Variants in OR5A1 observed in about 807,000 individuals in gnomAD.
OR5A1 encodes the protein olfactory receptor 5A1.
A neutral mutation model predicts 6.7 loss-of-function variants in OR5A1; 6 were observed. The observed-to-expected ratio is 0.89, with a 90% CI of 0.49 to 1.76. The LOEUF (loss-of-function observed/expected upper bound fraction) is 1.76. Ranked by LOEUF, OR5A1 falls within the 40% of genes most tolerant of loss-of-function variation. The pLI is 0.01. For missense variants in OR5A1, 378 were observed against 381.7 expected (o/e 0.99, Z 0.08); for synonymous variants, 170 against 155.0 (o/e 1.10, Z -0.72).
rs927172065 is a variant in OR5A1 at position 59,448,075 on chromosome 11, T to C, written c.*3959T>C. On this transcript the variant is annotated 3_prime_UTR_variant, in exon 2 of 2. Coordinates refer to ENST00000641045, the MANE Select transcript of OR5A1 (RefSeq NM_001004728.2). ...TTTAAAAAAATCACAAAAAAACTCT[T>C]AATGTGTTAAGGAAGTTTACAAATT... 1 of 152,122 alleles carries C rather than the reference T, an allele frequency of 6.6e-6. No individual in the cohort carries two copies. The highest frequency in any genetic ancestry group is 1.5e-5 in the Non-Finnish European group (1 of 68,008). 9.4% of individuals were successfully genotyped at this position (152,122 alleles called of 1,614,324 possible).
In OR5A1 at chr11:59,443,340, C is replaced by A. The variant is rs777855658; in HGVS notation, c.172C>A (p.Leu58Met). Reference sequence around the variant, plus strand: ...TTTTCTGATCAGAGGTGACACCCATCTGCACACACCCATGTACTTCTTCCT... The same window carrying A: ...TTTTCTGATCAGAGGTGACACCCATATGCACACACCCATGTACTTCTTCCT... ...LIFLIRGDTHLHTPMYFFLSN... is the reference protein window; with the variant it reads ...LIFLIRGDTHMHTPMYFFLSN... Residue 58 changes from leucine to methionine, a missense_variant, in exon 2 of 2, where the codon CTG (leucine) becomes ATG (methionine). By Grantham distance (15) the Leu-to-Met change is conservative. Transcript: ENST00000641045. 2 of 1,613,906 alleles carry A rather than the reference C, an allele frequency of 1.2e-6. No individual in the cohort carries two copies. The highest frequency in any genetic ancestry group is 2.2e-5 in the South Asian group (2 of 91,082).
chr11:59,441,378 T>C (rs1858479152), intron 1 of OR5A1, among the ~76,000 whole-genome samples: 1 of 152,244 alleles, frequency 6.6e-6, no homozygotes, highest in Admixed American at 6.5e-5. Flanking sequence ...CATGATTTTT[T>C]GTTTCAATAG....
At position 59,443,553 on chromosome 11, in the gene OR5A1, A is replaced by G; in HGVS notation, c.385A>G (p.Ile129Val). 3 of 1,613,912 alleles carry G rather than the reference A, an allele frequency of 1.9e-6. No individual in the cohort carries two copies. The highest frequency in any genetic ancestry group is 2.5e-6 in the Non-Finnish European group (3 of 1,179,990). Residue 129 changes from isoleucine (I) to valine (V), a missense_variant, in exon 2 of 2, where the codon ATC becomes GTC. Ile to Val is a conservative substitution (Grantham distance 29, BLOSUM62 3). Transcript: ENST00000641045. ...TAMAYDRYAA[I>V]SSPLLYPTIM... is the part of the protein sequence containing the mutation. ...TATGGCATACGACCGATATGCAGCC[A>G]TCTCCAGCCCCCTTCTCTACCCCAC...
At position 59,450,483 on chromosome 11, in the gene OR5A1, T is replaced by C. The variant is rs893375225; in HGVS notation, c.*6367T>C. Reference sequence around the variant, plus strand: ...ATAATAAGTCAGCTTCTTAGAACAATTTTAAAAACAAAAAACAGAAAAATA... The same window carrying C: ...ATAATAAGTCAGCTTCTTAGAACAACTTTAAAAACAAAAAACAGAAAAATA... On this transcript the variant is annotated 3_prime_UTR_variant, in exon 2 of 2. Transcript: ENST00000641045. 1 of 152,110 alleles carries C rather than the reference T, an allele frequency of 6.6e-6. No homozygotes were observed. The highest frequency in any genetic ancestry group is 1.5e-5 in the Non-Finnish European group (1 of 68,012). The allele number at this position is 152,110 out of a possible 1,614,324, so 9.4% of individuals were successfully genotyped here. A position where few individuals can be genotyped will look rare whatever the true frequency, so the allele number is the denominator to read the frequency against.
chr11:59,441,973 TAGATA>T (rs1285883019), intron 1 of OR5A1, among the ~76,000 whole-genome samples: 4 of 151,364 alleles, frequency 2.6e-5, no homozygotes, highest in Admixed American at 1.3e-4. Context: ...GATAGATAGA[TAGATA>T]GATAGATAGA....
At position 59,443,913 on chromosome 11, in the gene OR5A1, A is replaced by G. The variant is rs779665580; in HGVS notation, c.745A>G (p.Met249Val). Residue 249 changes from methionine (M) to valine (V), a missense_variant, in exon 2 of 2, where the codon ATG becomes GTG. By Grantham distance (21) the Met-to-Val change is conservative. Transcript: ENST00000641045. ...KACNTCASHLMVVTLLFGTAL... is the reference protein window; with the variant it reads ...KACNTCASHLVVVTLLFGTAL... ...CTGCAACACGTGTGCCTCGCATCTG[A>G]TGGTGGTGACTCTGCTGTTTGGGAC... The G allele has an allele frequency of 2.5e-6, 4 of 1,614,022 alleles. No homozygotes were observed. The highest frequency in any genetic ancestry group is 3.4e-6 in the Non-Finnish European group (4 of 1,180,012).
chr11:59,450,348 C>G lies in OR5A1; in HGVS notation c.*6232C>G, dbSNP rs1401450547. ...AGATTTGACCTCAGTTCCCAGAGACCTGAGTTGGCTGATTCCAGGTTCTCC... is the reference window on the plus strand; with the variant it reads ...AGATTTGACCTCAGTTCCCAGAGACGTGAGTTGGCTGATTCCAGGTTCTCC... On this transcript the variant is annotated 3_prime_UTR_variant, in exon 2 of 2. Transcript: ENST00000641045. 2.0e-5 allele frequency: 3 copies of G among 152,148 alleles called. No individual in the cohort carries two copies. The highest frequency in any genetic ancestry group is 7.2e-5 in the African/African-American group (3 of 41,428). The allele number at this position is 152,148 out of a possible 1,614,324, so 9.4% of individuals were successfully genotyped here.
intron 1 of OR5A1, among the ~76,000 whole-genome samples, chr11:59,440,613 C>T (rs1273775778): frequency 6.6e-6 from 1 of 152,208 alleles, no homozygotes; most frequent in Non-Finnish European, 1.5e-5. Context: ...TGCCAAATGG[C>T]TGTACCTCTA....
rs771050906 is a variant in OR5A1 at position 59,443,877 on chromosome 11, C to T, written c.709C>T (p.Arg237Ter). The T allele has an allele frequency of 9.9e-6, 16 of 1,614,008 alleles. No homozygotes were observed. The highest frequency in any genetic ancestry group is 1.4e-5 in the Non-Finnish European group (16 of 1,179,974). The change falls in exon 2 of 2, where the codon CGA (arginine) becomes TGA (stop). Residue 237 changes from arginine to a stop codon, truncating the protein, a stop_gained. Transcript: ENST00000641045. LOFTEE classifies it high-confidence loss of function. Reference protein sequence around the residue: ...AVLKIPSAEGRWKACNTCASH... With the variant: ...AVLKIPSAEG ...CCTGAAGATCCCTTCAGCAGAGGGC[C>T]GATGGAAAGCCTGCAACACGTGTGC... is the stretch of plus-strand genomic sequence containing the variant.
At chr11:59,437,238 G>C (rs528233912) in intron 1 of OR5A1, among the ~76,000 whole-genome samples, 1 of 152,226 alleles carries the variant, frequency 6.6e-6, no homozygotes, top group South Asian at 2.1e-4. Context: ...TGTATTCCGT[G>C]GGTTTGGGCA....
chr11:59,446,633 C>T lies in OR5A1; in HGVS notation c.*2517C>T, dbSNP rs1858552849. 6.6e-6 allele frequency: 1 copy of T among 152,124 alleles called. No homozygotes were observed. Among genetic ancestry groups the T allele is most frequent in the South Asian group, 2.1e-4 (1 of 4,826 alleles). The allele number at this position is 152,124 out of a possible 1,614,324, so 9.4% of individuals were successfully genotyped here. On this transcript the variant is annotated 3_prime_UTR_variant, in exon 2 of 2. Coordinates refer to ENST00000641045, the MANE Select transcript of OR5A1 (RefSeq NM_001004728.2). ...GTTTCTCCTCTTGAATAAATTAAACCTTGCAGCCCACATTGGGTGTAATTT... is the reference window on the plus strand; with the variant it reads ...GTTTCTCCTCTTGAATAAATTAAACTTTGCAGCCCACATTGGGTGTAATTT...
At position 59,447,021 on chromosome 11, in the gene OR5A1, CAGAG is replaced by C. The variant is rs200286677; in HGVS notation, c.*2914_*2917del. 2 of 152,064 alleles carry C rather than the reference CAGAG, an allele frequency of 1.3e-5. No homozygotes were observed. The highest frequency in any genetic ancestry group is 2.9e-5 in the Non-Finnish European group (2 of 67,998). 9.4% of individuals were successfully genotyped at this position (152,064 alleles called of 1,614,324 possible). ...CCTACAAATCGTATATACAGGTACT[CAGAG>C]AGAGAGAGTTGAAATTTGCTGAGTG... On this transcript the variant is annotated 3_prime_UTR_variant, in exon 2 of 2. Transcript: ENST00000641045.
Position 59,445,838 on chromosome 11 carries a change from GC to G in OR5A1, c.*1725del, listed in dbSNP as rs1858542197. 1 of 152,012 alleles carries G rather than the reference GC, an allele frequency of 6.6e-6. No homozygotes were observed. Among genetic ancestry groups the G allele is most frequent in the Non-Finnish European group, 1.5e-5 (1 of 67,978 alleles). The allele number at this position is 152,012 out of a possible 1,614,324, so 9.4% of individuals were successfully genotyped here. On this transcript the variant is annotated 3_prime_UTR_variant, in exon 2 of 2. Coordinates refer to ENST00000641045, the MANE Select transcript of OR5A1 (RefSeq NM_001004728.2). The stretch of plus-strand genomic sequence containing the variant: ...TGAGAAGTGTCTGTTCATGTCATTT[GC>G]CCACTTTTAGATAGGGTTGTTTGTT...
At position 59,443,944 on chromosome 11, in the gene OR5A1, T is replaced by G; in HGVS notation, c.776T>G (p.Leu259Arg). ...GTGACTCTGCTGTTTGGGACAGCCC[T>G]TTTCGTGTACTTGCGACCCAGCTCC... is the stretch of plus-strand genomic sequence containing the variant. ...MVVTLLFGTALFVYLRPSSSY... is the reference protein window; with the variant it reads ...MVVTLLFGTARFVYLRPSSSY... The change falls in exon 2 of 2, where the codon CTT (leucine) becomes CGT (arginine). Residue 259 changes from leucine (L) to arginine (R), a missense_variant. Physicochemically the swap from Leu to Arg is moderately radical, Grantham distance 102. Transcript: ENST00000641045. The G allele has an allele frequency of 6.2e-7, 1 of 1,614,092 alleles. No homozygotes were observed. Among genetic ancestry groups the G allele is most frequent in the Admixed American group, 1.7e-5 (1 of 60,008 alleles).
rs186028977 is a variant in OR5A1 at position 59,451,354 on chromosome 11, A to G, written c.*7238A>G. ...GCCTCCTAATATATTTATCTGATCA[A>G]TAGTTGATTGACTGTCTTTTCACAT... On this transcript the variant is annotated 3_prime_UTR_variant, in exon 2 of 2. Transcript: ENST00000641045. The G allele has an allele frequency of 3.3e-5, 5 of 152,200 alleles. No homozygotes were observed. In the East Asian group the frequency reaches 7.7e-4, roughly 24 times the overall value. The allele number at this position is 152,200 out of a possible 1,614,324, so 9.4% of individuals were successfully genotyped here.
At chr11:59,442,903 G>A (rs909571707) in intron 1 of OR5A1, among the ~76,000 whole-genome samples, 2 of 152,170 alleles carry the variant, frequency 1.3e-5, no homozygotes, top group Admixed American at 6.5e-5. Context: ...GTTGATCCCA[G>A]GGATTTTGGG....
rs371898839 is a variant in OR5A1, at chr11:59,444,124, G to C, written c.*8G>C. 1.8e-5 allele frequency: 28 copies of C among 1,576,090 alleles called. No individual in the cohort carries two copies. Among genetic ancestry groups the C allele is most frequent in the Non-Finnish European group, 2.3e-5 (26 of 1,148,782 alleles). On this transcript the variant is annotated 3_prime_UTR_variant, in exon 2 of 2. Coordinates refer to ENST00000641045, the MANE Select transcript of OR5A1 (RefSeq NM_001004728.2). Reference sequence around the variant, plus strand: ...AAGAAAGTGTTTTCTTAGGTCATGCGTAGAAACTTATTTATCCAAACTGCT... The same window carrying C: ...AAGAAAGTGTTTTCTTAGGTCATGCCTAGAAACTTATTTATCCAAACTGCT...
At position 59,448,687 on chromosome 11, in the gene OR5A1, G is replaced by A. The variant is rs1251109884; in HGVS notation, c.*4571G>A. Reference sequence around the variant, plus strand: ...CCCTTTGGTGTGAATCATCACAGTTGTAAGTTCATGCTTGAGGGTGGGGTC... The same window carrying A: ...CCCTTTGGTGTGAATCATCACAGTTATAAGTTCATGCTTGAGGGTGGGGTC... On this transcript the variant is annotated 3_prime_UTR_variant, in exon 2 of 2. Transcript: ENST00000641045. 1 of 152,106 alleles carries A rather than the reference G, an allele frequency of 6.6e-6. No homozygotes were observed. Among genetic ancestry groups the A allele is most frequent in the African/African-American group, 2.4e-5 (1 of 41,392 alleles). The allele number at this position is 152,106 out of a possible 1,614,324, so 9.4% of individuals were successfully genotyped here.
In OR5A1 at chr11:59,443,551, C is replaced by G. The variant is rs200946342; in HGVS notation, c.383C>G (p.Ala128Gly). The change falls in exon 2 of 2, where the codon GCC becomes GGC. Residue 128 changes from alanine (A) to glycine (G), a missense_variant. Transcript: ENST00000641045. ...GCTATGGCATACGACCGATATGCAG[C>G]CATCTCCAGCCCCCTTCTCTACCCC... ...LTAMAYDRYA[A>G]ISSPLLYPTI... is the part of the protein sequence containing the mutation. The G allele has an allele frequency of 1.4e-4, 220 of 1,614,054 alleles. 1 individual carries two copies. In the South Asian group the frequency reaches 2.2e-3, roughly 16 times the overall value.
Sources: gnomAD v4.1 joint callset for allele counts (sites outside exome capture counted in the v4.1 genomes callset) on GRCh38, gnomAD v4.1.1 for gene constraint, MANE v1.5 for transcripts, NCBI Gene and HGNC (gene_info 2026-07-23, HGNC 2026-07-21) for gene names.